Variants in GUF1 observed in about 807,000 individuals in gnomAD.
The protein encoded by GUF1 is translation factor GUF1, mitochondrial.
In GUF1, 78 loss-of-function variants were observed where a neutral mutation model predicts 82.4. That is an observed-to-expected ratio of 0.95 (90% confidence interval 0.79 to 1.14). The LOEUF (loss-of-function observed/expected upper bound fraction) is 1.14. Among genes scored for constraint, GUF1 ranks in the 50% most tolerant of loss-of-function variants. The pLI is 0.00. For missense variants in GUF1, 814 were observed against 798.2 expected (o/e 1.02, Z -0.24); for synonymous variants, 279 against 282.3 (o/e 0.99, Z 0.12).
intron 4 of GUF1, among the ~76,000 whole-genome samples, chr4:44,682,002 A>G (rs980092014): frequency 1.3e-5 from 2 of 152,102 alleles, no homozygotes. Flanking sequence ...ATTATTACAG[A>G]GGATGATTCA....
intron 1 of GUF1, 66 bp from the exon 2 acceptor site, chr4:44,680,375 A>C (rs1429762630): frequency 1.5e-6 from 1 of 646,884 alleles, no homozygotes; most frequent in Non-Finnish European, 2.7e-6. Flanking sequence ...ATATTCTTTG[A>C]ATTGGTATAC....
Position 44,699,784 on chromosome 4 carries a change from G to T in GUF1, c.*1103G>T, listed in dbSNP as rs1716104063. 6.6e-6 allele frequency: 1 copy of T among 152,166 alleles called. No individual in the cohort carries two copies. Among genetic ancestry groups the T allele is most frequent in the Admixed American group, 6.5e-5 (1 of 15,278 alleles). 9.4% of individuals were successfully genotyped at this position (152,166 alleles called of 1,614,324 possible). On this transcript the variant is annotated 3_prime_UTR_variant, in exon 17 of 17. Coordinates refer to ENST00000281543, the MANE Select transcript of GUF1 (RefSeq NM_021927.3). ...CAGGTGGTTAGTTTGAAACTAAATG[G>T]TTTACATCTAAATTAAGGGCAGGAG...
In GUF1 at chr4:44,683,262, A is replaced by G; in HGVS notation, c.613A>G (p.Arg205Gly). ...AGATCTGAAGAATGCTGATCCTGAA[A>G]GGGTTGAAAACCAAATTGAGAAAGT... ...KIDLKNADPERVENQIEKVFD... is the reference protein window; with the variant it reads ...KIDLKNADPEGVENQIEKVFD... Residue 205 changes from arginine to glycine, a missense_variant, in exon 6 of 17, where the codon AGG (arginine) becomes GGG (glycine). Physicochemically the swap from Arg to Gly is moderately radical, Grantham distance 125. Transcript: ENST00000281543. 1 of 1,587,130 alleles carries G rather than the reference A, an allele frequency of 6.3e-7. No homozygotes were observed. The highest frequency in any genetic ancestry group is 8.6e-7 in the Non-Finnish European group (1 of 1,167,418).
chr4:44,695,912 T>C (rs1438151119), intron 15 of GUF1, among the ~76,000 whole-genome samples, 178 bp downstream of exon 15: 6 of 152,234 alleles, frequency 3.9e-5, no homozygotes, highest in South Asian at 2.1e-4. Context: ...GAATTACTTA[T>C]ATAACAGCAC....
At position 44,694,403 on chromosome 4, in the gene GUF1, T is replaced by A. The variant is rs758389113; in HGVS notation, c.1614-9T>A. On this transcript the variant is annotated splice_polypyrimidine_tract_variant and intron_variant, in intron 13 of 16. Transcript: ENST00000281543. ...GTAATATTTATCACTTGGACTTTTTTCCTTTTAGTTTTGATTACGAAGATG... is the reference window on the plus strand; with the variant it reads ...GTAATATTTATCACTTGGACTTTTTACCTTTTAGTTTTGATTACGAAGATG... 4 of 1,568,266 alleles carry A rather than the reference T, an allele frequency of 2.6e-6. No homozygotes were observed. The highest frequency in any genetic ancestry group is 1.8e-6 in the Non-Finnish European group (2 of 1,139,060).
At chr4:44,682,828 T>C (rs1714843681) in intron 5 of GUF1, among the ~76,000 whole-genome samples, 1 of 152,162 alleles carries the variant, frequency 6.6e-6, no homozygotes, top group Admixed American at 6.5e-5. Flanking sequence ...GAATCTTAAT[T>C]TTAAAATCTG....
chr4:44,683,900 C>T (rs191933828), intron 6 of GUF1, among the ~76,000 whole-genome samples: 33 of 152,170 alleles, frequency 2.2e-4, no homozygotes, highest in Non-Finnish European at 4.4e-4. Context: ...TATGTCAGCA[C>T]AGCAATGTAA....
At chr4:44,686,359 CTAATA>C (rs1416303125) in intron 7 of GUF1, 146 bp from the exon 8 acceptor site, 2 of 494,860 alleles carry the variant, frequency 4.0e-6, no homozygotes, top group African/African-American at 2.0e-5. Flanking sequence ...GTTATTAAAT[CTAATA>C]TATTTTATAA....
At chr4:44,689,550 T>G in intron 10 of GUF1, 141 bp downstream of exon 10, 1 of 1,012,780 alleles carries the variant, frequency 9.9e-7, no homozygotes, top group Non-Finnish European at 1.4e-6. Context: ...TTCTGGAACA[T>G]TTACTGAAAA....
chr4:44,681,037 A>T, intron 3 of GUF1, 86 bp from the exon 4 acceptor site: 1 of 1,250,572 alleles, frequency 8.0e-7, no homozygotes, highest in South Asian at 1.2e-5. Context: ...AACAGCTTTT[A>T]TCAAGTAAAG....
At chr4:44,694,299 CTCTT>C in intron 13 of GUF1, 109 bp from the exon 14 acceptor site, 1 of 677,744 alleles carries the variant, frequency 1.5e-6, no homozygotes, top group East Asian at 2.8e-5. Flanking sequence ...GGAAACATAT[CTCTT>C]TGGGGAGTGT....
intron 16 of GUF1, among the ~76,000 whole-genome samples, chr4:44,698,338 G>A (rs971313948): frequency 6.6e-6 from 1 of 151,846 alleles, no homozygotes; most frequent in Non-Finnish European, 1.5e-5. Context: ...AGGTTTCCTT[G>A]GGAATCTTCA....
Position 44,697,415 on chromosome 4 carries a change from G to A in GUF1, c.1843G>A (p.Ala615Thr), listed in dbSNP as rs957442432. The A allele has an allele frequency of 6.4e-6, 10 of 1,562,844 alleles. No homozygotes were observed. In the African/African-American group the frequency reaches 6.8e-5, roughly 11 times the overall value. ...SKIIARETVK[A>T]YRKNVLAKCY... Reference sequence around the variant, plus strand: ...AATTTTTCTCTTTTACAGTGTGAAAGCCTATAGGAAAAACGTTTTGGCAAA... The same window carrying A: ...AATTTTTCTCTTTTACAGTGTGAAAACCTATAGGAAAAACGTTTTGGCAAA... Residue 615 changes from alanine to threonine, a missense_variant, in exon 16 of 17, where the codon GCC (alanine) becomes ACC (threonine). Transcript: ENST00000281543.
Position 44,698,674 on chromosome 4 carries a change from CT to C in GUF1, c.2004del (p.Lys669AsnfsTer17), listed in dbSNP as rs1224921760. On this transcript the variant is annotated frameshift_variant, in exon 17 of 17. Transcript: ENST00000281543. LOFTEE classifies it high-confidence loss of function. Reference protein sequence around the residue: ...AFIKVLKTQSSK With the variant: ...AFIKVLKTQSXK ...ATAAAAGTTCTGAAAACACAATCTT[CT>C]AAATAATTGGTGGGAAAACAAAGAA... 1.3e-6 allele frequency: 2 copies of C among 1,590,626 alleles called. No individual in the cohort carries two copies. The highest frequency in any genetic ancestry group is 3.8e-5 in the Admixed American group (2 of 53,216).
rs1042636180 is a variant in GUF1, at chr4:44,678,489, G to A, written c.-134G>A. 2.8e-6 allele frequency: 2 copies of A among 718,040 alleles called. No individual in the cohort carries two copies. The highest frequency in any genetic ancestry group is 4.2e-4 in the Middle Eastern group (1 of 2,400). The allele number at this position is 718,040 out of a possible 1,614,324, so 44.5% of individuals were successfully genotyped here. A position where few individuals can be genotyped will look rare whatever the true frequency, so the allele number is the denominator to read the frequency against. On this transcript the variant is annotated 5_prime_UTR_variant, in exon 1 of 17. Coordinates refer to ENST00000281543, the MANE Select transcript of GUF1 (RefSeq NM_021927.3). ...TGGTACTTGGGCAGAGCTCCCCGGG[G>A]TTCATTGTCTTCGCTTCACAGGATC... is the stretch of plus-strand genomic sequence containing the variant.
At chr4:44,682,239 C>A in intron 4 of GUF1, 95 bp from the exon 5 acceptor site, 1 of 569,396 alleles carries the variant, frequency 1.8e-6, no homozygotes, top group Non-Finnish European at 3.0e-6. Context: ...AACGCAAAAT[C>A]TCTTGATGAA....
In GUF1 at chr4:44,686,512, C is replaced by T. The variant is rs1464934860; in HGVS notation, c.737C>T (p.Pro246Leu). ...TACTTTTTACTTATATTTACTAGTC[C>T]TAAAGTGCATCGCAAAAATCCTCTG... ...LQAIIERIPPPKVHRKNPLRA... is the reference protein window; with the variant it reads ...LQAIIERIPPLKVHRKNPLRA... Residue 246 changes from proline to leucine, a missense_variant and splice_region_variant, in exon 8 of 17, where the codon CCT (proline) becomes CTT (leucine). Pro to Leu is a moderately conservative substitution (Grantham distance 98). Coordinates refer to ENST00000281543, the MANE Select transcript of GUF1 (RefSeq NM_021927.3). The T allele has an allele frequency of 6.8e-6, 11 of 1,606,450 alleles. No individual in the cohort carries two copies. The highest frequency in any genetic ancestry group is 2.2e-5 in the East Asian group (1 of 44,724).
chr4:44,696,565 G>C (rs991974749), intron 15 of GUF1, among the ~76,000 whole-genome samples: 6 of 152,112 alleles, frequency 3.9e-5, no homozygotes, highest in African/African-American at 1.4e-4. Flanking sequence ...TATCTCCTCA[G>C]TTATGAAAAG....
In GUF1 at chr4:44,697,460, T is replaced by C. The variant is rs944268541; in HGVS notation, c.1872+16T>C. On this transcript the variant is annotated intron_variant, in intron 16 of 16. Transcript: ENST00000281543. Reference sequence around the variant, plus strand: ...GGCAAAATGTGTATGTATCTAGTTGTATTTATTCTACTTTATAACTTTTAT... The same window carrying C: ...GGCAAAATGTGTATGTATCTAGTTGCATTTATTCTACTTTATAACTTTTAT... 1 of 1,393,370 alleles carries C rather than the reference T, an allele frequency of 7.2e-7. No individual in the cohort carries two copies. Among genetic ancestry groups the C allele is most frequent in the Non-Finnish European group, 1.0e-6 (1 of 994,762 alleles). 86.3% of individuals were successfully genotyped at this position (1,393,370 alleles called of 1,614,324 possible).
Sources: gnomAD v4.1 joint callset for allele counts (sites outside exome capture counted in the v4.1 genomes callset) on GRCh38, gnomAD v4.1.1 for gene constraint, MANE v1.5 for transcripts, NCBI Gene and HGNC (gene_info 2026-07-23, HGNC 2026-07-21) for gene names.